DPP6: variants seen among roughly 807,000 people sequenced by gnomAD.
DPP6 encodes the protein dipeptidyl peptidase like 6.
In DPP6, 69 loss-of-function variants were observed where a neutral mutation model predicts 122.6. The ratio of observed to expected loss-of-function variants is 0.56; its 90% CI spans 0.46 to 0.69. DPP6 has a LOEUF of 0.69. Ranked by LOEUF, DPP6 falls within the 30% of genes least tolerant of loss-of-function variation. The pLI is 0.00. For synonymous variants in DPP6, 418 were observed against 433.1 expected, an observed-to-expected ratio of 0.97 and a Z score of 0.43; for missense variants, 928 against 1,116.9, an observed-to-expected ratio of 0.83 and a Z score of 2.41.
the DPP6 span, among the ~76,000 whole-genome samples, chr7:153,829,738 A>T: frequency 6.6e-6 from 1 of 152,124 alleles, no homozygotes. Context: ...GCCACTTTTC[A>T]TTTTACCACG....
At chr7:154,012,406 G>A (rs1185463240) in intron 1 of DPP6, among the ~76,000 whole-genome samples, 1 of 152,162 alleles carries the variant, frequency 6.6e-6, no homozygotes, top group African/African-American at 2.4e-5. Flanking sequence ...CTTGGATTAG[G>A]CAATTTGTTT....
chr7:153,971,910 G>A (rs1439502638), intron 1 of DPP6, among the ~76,000 whole-genome samples: 1 of 146,798 alleles, frequency 6.8e-6, no homozygotes, highest in Non-Finnish European at 1.5e-5. Flanking sequence ...CCTTTCTTAG[G>A]CTGTGGTCTG....
intron 1 of DPP6, among the ~76,000 whole-genome samples, chr7:154,222,228 A>C (rs188717773): frequency 6.6e-6 from 1 of 152,186 alleles, no homozygotes; most frequent in East Asian, 1.9e-4. Flanking sequence ...AATTGAGCAT[A>C]TCTTCCAATG....
At chr7:153,955,839 A>G (rs917411001) in intron 1 of DPP6, among the ~76,000 whole-genome samples, 5 of 152,190 alleles carry the variant, frequency 3.3e-5, no homozygotes, top group African/African-American at 7.2e-5. Context: ...TGAACTCAGT[A>G]AGTATGATTT....
chr7:154,222,679 A>T (rs946997030), intron 1 of DPP6, among the ~76,000 whole-genome samples: 12 of 149,208 alleles, frequency 8.0e-5, no homozygotes, highest in African/African-American at 1.0e-4. Flanking sequence ...ATAAAATAAA[A>T]TAAATTAAAT....
chr7:154,060,154 G>T (rs1187142929), intron 1 of DPP6, among the ~76,000 whole-genome samples: 3 of 145,240 alleles, frequency 2.1e-5, no homozygotes, highest in East Asian at 2.1e-4. Flanking sequence ...CTGGCTCTTT[G>T]CACCCCCATC....
In DPP6 at chr7:154,547,504, G is replaced by A. The variant is rs181789054; in HGVS notation, c.552+6878G>A. ...TGGCCCCTCAGACAGGACATGGGCC[G>A]ACCAGCCCTGCAGTGACCCACATTT... On this transcript the variant is annotated intron_variant, in intron 4 of 25. Coordinates refer to ENST00000377770, the MANE Select transcript of DPP6 (RefSeq NM_130797.4). Among the ~76,000 whole-genome samples, 18 of 152,298 alleles carry A rather than the reference G, an allele frequency of 1.2e-4. No individual in the cohort carries two copies. The East Asian group carries it at 3.3e-3, about 28-fold the overall frequency.
chr7:153,940,989 C>G (rs573196747), intron 1 of DPP6, among the ~76,000 whole-genome samples: 2 of 152,232 alleles, frequency 1.3e-5, no homozygotes, highest in South Asian at 4.1e-4. Context: ...GTCTGTTTTC[C>G]AGGAGTGACT....
intron 7 of DPP6, among the ~76,000 whole-genome samples, chr7:154,678,634 C>T (rs922645472): frequency 6.6e-6 from 1 of 152,192 alleles, no homozygotes; most frequent in East Asian, 1.9e-4. Context: ...GTCAGCGAGA[C>T]CAAGAACCCA....
chr7:153,790,564 G>C, the DPP6 span, among the ~76,000 whole-genome samples: 1 of 152,140 alleles, frequency 6.6e-6, no homozygotes, highest in South Asian at 2.1e-4. Context: ...GTAAACATTA[G>C]GTTAGCAAAT....
intron 5 of DPP6, among the ~76,000 whole-genome samples, chr7:154,589,857 G>T (rs1256219725): frequency 2.0e-5 from 3 of 152,182 alleles, no homozygotes; most frequent in African/African-American, 7.2e-5. Context: ...GTAACAGCAT[G>T]GTCACCCTTC....
chr7:153,834,393 C>T, the DPP6 span, among the ~76,000 whole-genome samples: 11 of 151,324 alleles, frequency 7.3e-5, no homozygotes, highest in African/African-American at 9.7e-5. Context: ...TGGTGTAGAT[C>T]TGGAGCAATG....
chr7:153,811,325 T>C, the DPP6 span, among the ~76,000 whole-genome samples: 4 of 152,138 alleles, frequency 2.6e-5, no homozygotes, highest in Non-Finnish European at 2.9e-5. Flanking sequence ...AAATACAAGT[T>C]GCTCTGGAAT....
chr7:153,961,163 A>G (rs1229038942), intron 1 of DPP6, among the ~76,000 whole-genome samples: 2 of 139,512 alleles, frequency 1.4e-5, no homozygotes, highest in African/African-American at 5.6e-5. Flanking sequence ...ATGCCCAGCC[A>G]CTGTTAAGAA....
chr7:153,902,796 A>G (rs999284787), intron 1 of DPP6, among the ~76,000 whole-genome samples: 2 of 151,984 alleles, frequency 1.3e-5, no homozygotes, highest in East Asian at 1.9e-4. Context: ...AGCTTACACC[A>G]TTGCACTCCA....
At chr7:154,558,975 T>C (rs1830230705) in intron 4 of DPP6, among the ~76,000 whole-genome samples, 1 of 152,140 alleles carries the variant, frequency 6.6e-6, no homozygotes, top group Admixed American at 6.6e-5. Context: ...ATTAAAAATA[T>C]CTGGTGTTAA....
intron 1 of DPP6, among the ~76,000 whole-genome samples, chr7:153,973,632 CGTGTGTGTGTGTGTGTGTGTGTGT>C (rs773321136): frequency 6.2e-5 from 7 of 113,512 alleles, no homozygotes; most frequent in East Asian, 5.0e-4. Flanking sequence ...CACCATCGCT[CGTGTGTGTGTGTGTGTGTGTGTGT>C]GTGTGTGTGT....
At chr7:154,527,585 C>G (rs12668045) in intron 3 of DPP6, among the ~76,000 whole-genome samples, 1 of 151,916 alleles carries the variant, frequency 6.6e-6, no homozygotes, top group East Asian at 1.9e-4. Flanking sequence ...TTATTTAAAA[C>G]TAAAAGAAGA....
chr7:153,875,573 G>A, the DPP6 span, among the ~76,000 whole-genome samples: 1 of 152,068 alleles, frequency 6.6e-6, no homozygotes, highest in East Asian at 1.9e-4. Flanking sequence ...TTATTACCTG[G>A]AGAATTGTAG....
Sources: allele counts gnomAD v4.1 joint callset (sites outside exome capture counted in the v4.1 genomes callset), GRCh38; gene constraint gnomAD v4.1.1; transcripts MANE v1.5; gene names NCBI Gene and HGNC (gene_info 2026-07-23, HGNC 2026-07-21).